HS3ST5: variants seen among roughly 807,000 people sequenced by gnomAD.
The protein encoded by HS3ST5 is heparan sulfate glucosamine 3-O-sulfotransferase 5.
HS3ST5 carries 10 observed loss-of-function variants against 25.4 expected under a neutral mutation model. The ratio of observed to expected loss-of-function variants is 0.39; its 90% CI spans 0.24 to 0.67. The LOEUF is 0.67. Ranked by LOEUF, HS3ST5 falls within the 30% of genes least tolerant of loss-of-function variation. HS3ST5 has a pLI of 0.44. For synonymous variants in HS3ST5, 170 were observed against 162.4 expected, an observed-to-expected ratio of 1.05 and a Z score of -0.36; for missense variants, 324 against 420.7, an observed-to-expected ratio of 0.77 and a Z score of 2.01.
chr6:114,099,831 A>G (rs542501025), intron 3 of HS3ST5, among the ~76,000 whole-genome samples: 3 of 152,218 alleles, frequency 2.0e-5, no homozygotes, highest in East Asian at 3.9e-4. Flanking sequence ...GGCAGCTGAA[A>G]TCCCCACAGA....
intron 3 of HS3ST5, among the ~76,000 whole-genome samples, chr6:114,165,426 A>G (rs1779162472): frequency 6.6e-6 from 1 of 151,736 alleles, no homozygotes; most frequent in Admixed American, 6.6e-5. Context: ...TATTACTTCC[A>G]CTTCTTCCCC....
chr6:114,175,118 A>C (rs970705405), intron 2 of HS3ST5, among the ~76,000 whole-genome samples: 1 of 152,232 alleles, frequency 6.6e-6, no homozygotes, highest in Admixed American at 6.5e-5. Flanking sequence ...GTATTGATGT[A>C]TTGAAAGGGG....
At chr6:114,245,719 A>C (rs1368104731) in intron 1 of HS3ST5, among the ~76,000 whole-genome samples, 1 of 152,218 alleles carries the variant, frequency 6.6e-6, no homozygotes, top group Non-Finnish European at 1.5e-5. Context: ...ACTTGTTTTC[A>C]AGGCAAAATA....
rs144599323 is a variant in HS3ST5, at chr6:114,196,899, G to A, written c.-144-28437C>T. 8.1e-4 allele frequency among the ~76,000 whole-genome samples: 123 copies of A among 152,094 alleles called. 2 individuals are homozygous for A. The East Asian group carries it at 0.023, about 28-fold the overall frequency. ...ATGGAAAAAAAAATAAACATTGGGT[G>A]AAAAGAGCAATGATTGAGGAAAGAA... On this transcript the variant is annotated intron_variant, in intron 2 of 4. Transcript: ENST00000312719.
At chr6:114,087,803 C>T (rs1774914935) in intron 3 of HS3ST5, among the ~76,000 whole-genome samples, 1 of 152,174 alleles carries the variant, frequency 6.6e-6, no homozygotes, top group African/African-American at 2.4e-5. Context: ...TCTCTCTGTC[C>T]TGTGCTATAA....
At chr6:114,273,928 G>A (rs187969149) in intron 1 of HS3ST5, among the ~76,000 whole-genome samples, 150 of 152,076 alleles carry the variant, frequency 9.9e-4, no homozygotes, top group African/African-American at 3.5e-3. Flanking sequence ...GCTGAAGGGA[G>A]AAGTAGGGCA....
chr6:114,148,247 T>C (rs1778265259), intron 3 of HS3ST5, among the ~76,000 whole-genome samples: 1 of 152,194 alleles, frequency 6.6e-6, no homozygotes, highest in South Asian at 2.1e-4. Context: ...AAAGTGAAAC[T>C]GGACCCCTTC....
chr6:114,304,939 T>C (rs984828920), intron 1 of HS3ST5, among the ~76,000 whole-genome samples: 1 of 152,160 alleles, frequency 6.6e-6, no homozygotes, highest in African/African-American at 2.4e-5. Context: ...AGTAATTGAA[T>C]AGCTTTTTAA....
chr6:114,171,322 G>T (rs1440187757), intron 2 of HS3ST5, among the ~76,000 whole-genome samples: 1 of 152,116 alleles, frequency 6.6e-6, no homozygotes, highest in Non-Finnish European at 1.5e-5. Context: ...CAAAAGTTCT[G>T]CTTTTAACTT....
intron 3 of HS3ST5, among the ~76,000 whole-genome samples, chr6:114,118,307 T>C (rs948068974): frequency 6.6e-6 from 1 of 152,022 alleles, no homozygotes; most frequent in African/African-American, 2.4e-5. Context: ...AAATGGCATA[T>C]AGAAAGGAGC....
intron 1 of HS3ST5, among the ~76,000 whole-genome samples, chr6:114,299,858 A>G (rs1774997370): frequency 6.6e-6 from 1 of 152,188 alleles, no homozygotes; most frequent in Non-Finnish European, 1.5e-5. Context: ...AAGAAAATGT[A>G]AGTTTTGTGT....
intron 1 of HS3ST5, among the ~76,000 whole-genome samples, chr6:114,256,238 A>G (rs1417429987): frequency 2.6e-5 from 4 of 152,028 alleles, no homozygotes; most frequent in Non-Finnish European, 5.9e-5. Context: ...AACACAAAAA[A>G]TTAGCTGGGC....
intron 3 of HS3ST5, among the ~76,000 whole-genome samples, chr6:114,113,784 A>C (rs1776385072): frequency 6.6e-6 from 1 of 151,994 alleles, no homozygotes; most frequent in African/African-American, 2.4e-5. Flanking sequence ...TTAACACTCC[A>C]GAGTTAACTT....
At chr6:114,318,680 A>AT (rs765065951) in intron 1 of HS3ST5, among the ~76,000 whole-genome samples, 48 of 152,180 alleles carry the variant, frequency 3.2e-4, no homozygotes, top group Non-Finnish European at 6.8e-4. Context: ...GTGATTACAA[A>AT]TAAGGTGTCA....
chr6:114,200,771 A>G (rs1214616850), intron 2 of HS3ST5, among the ~76,000 whole-genome samples: 1 of 152,168 alleles, frequency 6.6e-6, no homozygotes, highest in Non-Finnish European at 1.5e-5. Context: ...ATGAGAATTA[A>G]GAAAATTTGA....
chr6:114,253,646 A>G (rs1428573935), intron 1 of HS3ST5, among the ~76,000 whole-genome samples: 1 of 152,212 alleles, frequency 6.6e-6, no homozygotes, highest in Admixed American at 6.5e-5. Context: ...AAGTTCAGAC[A>G]TGACACTCAG....
chr6:114,262,040 G>C (rs149609341), intron 1 of HS3ST5, among the ~76,000 whole-genome samples: 2 of 152,202 alleles, frequency 1.3e-5, no homozygotes, highest in Non-Finnish European at 2.9e-5. Context: ...AGTGAGGTTC[G>C]TGCATCATTA....
chr6:114,274,929 A>C (rs181686808), intron 1 of HS3ST5, among the ~76,000 whole-genome samples: 1 of 151,720 alleles, frequency 6.6e-6, no homozygotes, highest in Admixed American at 6.6e-5. Flanking sequence ...ACACCTGACT[A>C]TACAAGGTGA....
intron 3 of HS3ST5, among the ~76,000 whole-genome samples, chr6:114,134,518 AGCAGGACCT>A (rs1562210174): frequency 6.6e-6 from 1 of 152,202 alleles, no homozygotes; most frequent in East Asian, 1.9e-4. Context: ...CTGCACAGGA[AGCAGGACCT>A]GCAGTGAGAA....
Sources: gnomAD v4.1 joint callset for allele counts (sites outside exome capture counted in the v4.1 genomes callset) on GRCh38, gnomAD v4.1.1 for gene constraint, MANE v1.5 for transcripts, NCBI Gene and HGNC (gene_info 2026-07-23, HGNC 2026-07-21) for gene names.